Variants in PRIM2 observed in about 807,000 individuals in gnomAD.
PRIM2 encodes the protein DNA primase large subunit.
PRIM2 carries 39 observed loss-of-function variants against 67.3 expected under a neutral mutation model. That is an observed-to-expected ratio of 0.58 (90% CI 0.45 to 0.76). PRIM2 has a LOEUF of 0.76. Among genes scored for constraint, PRIM2 ranks in the 30% least tolerant of loss-of-function variants. The pLI, the probability that PRIM2 is intolerant of heterozygous loss-of-function variation, is 0.00. For synonymous variants in PRIM2, 143 were observed against 198.7 expected (o/e 0.72, Z 2.36); for missense variants, 398 against 598.7 (o/e 0.66, Z 3.50).
At chr6:57,223,801 C>T in the PRIM2 span, among the ~76,000 whole-genome samples, 1 of 152,046 alleles carries the variant, frequency 6.6e-6, no homozygotes, top group Admixed American at 6.5e-5. Flanking sequence ...TGATTATAAA[C>T]AAAGCAGAAC....
chr6:57,645,033 A>G (rs1777310560), intron 13 of PRIM2, among the ~76,000 whole-genome samples: 1 of 152,194 alleles, frequency 6.6e-6, no homozygotes, highest in Non-Finnish European at 1.5e-5. Flanking sequence ...TTTTCTGTAA[A>G]AAGACCAAGG....
intron 5 of PRIM2, among the ~76,000 whole-genome samples, chr6:57,329,360 G>C (rs1449122886): frequency 6.6e-6 from 1 of 152,084 alleles, no homozygotes; most frequent in East Asian, 1.9e-4. Context: ...TTTGCATGTA[G>C]ATATCTAGTT....
At chr6:57,370,352 A>G (rs1769502910) in intron 5 of PRIM2, among the ~76,000 whole-genome samples, 1 of 152,244 alleles carries the variant, frequency 6.6e-6, no homozygotes, top group African/African-American at 2.4e-5. Flanking sequence ...GAGAATATTC[A>G]GGATTATTTT....
chr6:57,505,869 CTCTG>C (rs1481498938), intron 7 of PRIM2, among the ~76,000 whole-genome samples: 2 of 152,094 alleles, frequency 1.3e-5, no homozygotes, highest in African/African-American at 4.8e-5. Flanking sequence ...AAAAAGCCCA[CTCTG>C]TCTGCTCTGT....
intron 7 of PRIM2, among the ~76,000 whole-genome samples, chr6:57,443,783 G>A (rs1012260360): frequency 6.6e-6 from 1 of 151,738 alleles, no homozygotes; most frequent in African/African-American, 2.4e-5. Flanking sequence ...CCAGTTGTCT[G>A]TTTTGCATTT....
chr6:57,294,155 A>G, the PRIM2 span, among the ~76,000 whole-genome samples: 3 of 152,288 alleles, frequency 2.0e-5, no homozygotes, highest in East Asian at 5.8e-4. Flanking sequence ...GGTCCACAAT[A>G]TGTCATGAAA....
At chr6:57,269,208 CACTG>C in the PRIM2 span, among the ~76,000 whole-genome samples, 4 of 151,670 alleles carry the variant, frequency 2.6e-5, no homozygotes, top group South Asian at 2.1e-4. Flanking sequence ...GGAATCGCCA[CACTG>C]ACTTCCACAA....
At chr6:57,298,237 TG>T in the PRIM2 span, among the ~76,000 whole-genome samples, 6 of 152,152 alleles carry the variant, frequency 3.9e-5, no homozygotes, top group East Asian at 1.2e-3. Flanking sequence ...GGCGGGCACC[TG>T]TAGTCCCAGC....
chr6:57,537,531 A>G lies in PRIM2; in HGVS notation c.926A>G (p.Tyr309Cys). 2 of 1,587,808 alleles carry G rather than the reference A, an allele frequency of 1.3e-6. No individual in the cohort carries two copies. The highest frequency in any genetic ancestry group is 2.2e-5 in the East Asian group (1 of 44,664). ...HHLRHGGRMQ[Y>C]GLFLKGIGLT... ...CTTCGTCATGGAGGCCGAATGCAGTATGGCCTATTTCTGAAGGGCATTGGT... is the reference window on the plus strand; with the variant it reads ...CTTCGTCATGGAGGCCGAATGCAGTGTGGCCTATTTCTGAAGGGCATTGGT... The change falls in exon 10 of 14, where the codon TAT becomes TGT. Residue 309 changes from tyrosine to cysteine, a missense_variant. By Grantham distance (194) the Tyr-to-Cys change is radical. Around this residue, in one of 4 missense-constraint regions of PRIM2, gnomAD observed 229 missense variants for 383.6 expected, o/e 0.60. Transcript: ENST00000615550.
At chr6:57,556,346 A>C (rs1211734302) in intron 10 of PRIM2, among the ~76,000 whole-genome samples, 1,951 of 152,242 alleles carry the variant, frequency 0.013, 29 homozygotes, top group African/African-American at 0.045. Flanking sequence ...AATCCTAAGC[A>C]AAAAGAACAA....
chr6:57,329,195 G>A (rs1314017795), intron 5 of PRIM2, among the ~76,000 whole-genome samples: 1 of 151,786 alleles, frequency 6.6e-6, no homozygotes, highest in East Asian at 1.9e-4. Flanking sequence ...TTGGTATTGA[G>A]TCTAAGAAGT....
chr6:57,527,331 A>G lies in PRIM2; in HGVS notation c.762-5080A>G, dbSNP rs1774778214. ...TAGTTTTTATCTTGTGGAAAGTGAA[A>G]TCTTGGCTTGGAAGCACTCAGTCAC... is the stretch of plus-strand genomic sequence containing the variant. On this transcript the variant is annotated intron_variant, in intron 8 of 13. Transcript: ENST00000615550. Among the ~76,000 whole-genome samples the G allele has an allele frequency of 2.0e-5, 3 of 152,310 alleles. No homozygotes were observed. In the South Asian group the frequency reaches 6.2e-4, roughly 32 times the overall value.
intron 7 of PRIM2, among the ~76,000 whole-genome samples, chr6:57,398,702 T>G (rs1770605958): frequency 6.6e-6 from 1 of 152,204 alleles, no homozygotes; most frequent in Non-Finnish European, 1.5e-5. Context: ...AATATCTTCG[T>G]TAATTTTCTG....
chr6:57,297,884 C>T, the PRIM2 span, among the ~76,000 whole-genome samples: 1 of 152,134 alleles, frequency 6.6e-6, no homozygotes, highest in East Asian at 1.9e-4. Flanking sequence ...GGCTCAAGAA[C>T]TATCCCAGAC....
chr6:57,561,968 C>A (rs1775641583), intron 10 of PRIM2, among the ~76,000 whole-genome samples: 1 of 151,950 alleles, frequency 6.6e-6, no homozygotes, highest in Non-Finnish European at 1.5e-5. Context: ...TATTAATTGG[C>A]CTGATTTCAA....
chr6:57,264,037 G>C, the PRIM2 span, among the ~76,000 whole-genome samples: 1 of 152,202 alleles, frequency 6.6e-6, no homozygotes, highest in Non-Finnish European at 1.5e-5. Context: ...TATATATCAG[G>C]AAGATGGGTT....
the PRIM2 span, among the ~76,000 whole-genome samples, chr6:57,291,417 T>A: frequency 6.6e-6 from 1 of 151,882 alleles, no homozygotes; most frequent in Non-Finnish European, 1.5e-5. Context: ...CTACCAGAGG[T>A]ACAAAGAGGA....
chr6:57,623,255 G>T (rs1776889302), intron 12 of PRIM2, among the ~76,000 whole-genome samples: 1 of 152,100 alleles, frequency 6.6e-6, no homozygotes, highest in African/African-American at 2.4e-5. Flanking sequence ...GGCCATGGTT[G>T]TACTTTTGGC....
chr6:57,448,453 G>A (rs9475973), intron 7 of PRIM2, among the ~76,000 whole-genome samples: 9,965 of 152,300 alleles, frequency 0.065, 681 homozygotes, highest in African/African-American at 0.17. Flanking sequence ...GAGCCAATAT[G>A]AGTGAGCATG....
Sources: allele counts gnomAD v4.1 joint callset (sites outside exome capture counted in the v4.1 genomes callset), GRCh38; gene constraint gnomAD v4.1.1; regional missense constraint gnomAD v4.1.1; transcripts MANE v1.5; gene names NCBI Gene and HGNC (gene_info 2026-07-23, HGNC 2026-07-21).